Variants in CCDC171 observed in about 807,000 individuals in gnomAD.
CCDC171 encodes coiled-coil domain containing 171, also known as coiled-coil domain-containing protein 171.
In CCDC171, 177 loss-of-function variants were observed where a neutral mutation model predicts 168.2. The observed-to-expected ratio is 1.05, with a 90% confidence interval of 0.93 to 1.19. The LOEUF is 1.19. CCDC171 is among the 50% of genes most tolerant of loss of function. The probability of loss-of-function intolerance (pLI) is 0.00; values close to 1 mark genes in which losing one functional copy is unlikely to be tolerated. For synonymous variants in CCDC171, 687 were observed against 540.8 expected, an observed-to-expected ratio of 1.27 and a Z score of -3.75; for missense variants, 1,991 against 1,539.0, an observed-to-expected ratio of 1.29 and a Z score of -4.91.
intron 10 of CCDC171, among the ~76,000 whole-genome samples, chr9:15,687,858 G>A (rs950646380): frequency 3.9e-5 from 6 of 152,016 alleles, no homozygotes; most frequent in African/African-American, 7.2e-5. Flanking sequence ...GCAGTGGCTC[G>A]TGCCTGTAAT....
chr9:15,634,930 A>G (rs1353791826), intron 7 of CCDC171, among the ~76,000 whole-genome samples: 4 of 152,162 alleles, frequency 2.6e-5, no homozygotes, highest in East Asian at 1.9e-4. Flanking sequence ...TTCACTTAGC[A>G]TAATGTTTTC....
At chr9:15,596,863 C>T (rs1020225555) in intron 6 of CCDC171, among the ~76,000 whole-genome samples, 2 of 152,126 alleles carry the variant, frequency 1.3e-5, no homozygotes, top group African/African-American at 4.8e-5. Context: ...TTCTTCACAT[C>T]CCTTGTAAGT....
In CCDC171 at chr9:15,693,014, G is replaced by A. The variant is rs80340936; in HGVS notation, c.1216-2221G>A. Reference sequence around the variant, plus strand: ...TAGTCGGGTGTGGTCGTGGGCACCTGTACTCCCAGCTACTTGGGAAGCTGA... The same window carrying A: ...TAGTCGGGTGTGGTCGTGGGCACCTATACTCCCAGCTACTTGGGAAGCTGA... On this transcript the variant is annotated intron_variant, in intron 10 of 25. Coordinates refer to ENST00000380701, the MANE Select transcript of CCDC171 (RefSeq NM_173550.4). Among the ~76,000 whole-genome samples the A allele has an allele frequency of 3.2e-4, 48 of 152,094 alleles. No individual in the cohort carries two copies. In the East Asian group the frequency reaches 9.2e-3, roughly 29 times the overall value.
intron 20 of CCDC171, among the ~76,000 whole-genome samples, chr9:15,783,997 T>C (rs1201673351): frequency 1.3e-5 from 2 of 152,032 alleles, no homozygotes; most frequent in Admixed American, 6.6e-5. Context: ...GTGAGATGAA[T>C]TTAGATAATG....
chr9:15,556,418 T>TA (rs2038802479), intron 1 of CCDC171, among the ~76,000 whole-genome samples: 1 of 152,186 alleles, frequency 6.6e-6, no homozygotes, highest in South Asian at 2.1e-4. Context: ...CCTGACTTTT[T>TA]AATGATCGCC....
chr9:16,025,200 G>C (rs373202711), intron 6 of CCDC171, among the ~76,000 whole-genome samples: 6 of 152,336 alleles, frequency 3.9e-5, no homozygotes, highest in African/African-American at 1.4e-4. Flanking sequence ...TCAGCACTTT[G>C]GGAGGCCAAG....
At chr9:15,815,682 A>G (rs372918949) in intron 21 of CCDC171, among the ~76,000 whole-genome samples, 1 of 116,832 alleles carries the variant, frequency 8.6e-6, no homozygotes, top group East Asian at 2.1e-4. Context: ...AAAGAACTCC[A>G]ACACTCATTT....
At chr9:15,553,395 C>T (rs2038495796) in intron 1 of CCDC171, 93 bp downstream of exon 1, 1 of 152,220 alleles carries the variant, frequency 6.6e-6, no homozygotes, top group African/African-American at 2.4e-5. Flanking sequence ...TGGGGCGGCC[C>T]TGGGGCTGTT....
intron 17 of CCDC171, 129 bp downstream of exon 17, chr9:15,744,906 T>A: frequency 1.2e-6 from 1 of 826,468 alleles, no homozygotes; most frequent in Non-Finnish European, 1.8e-6. Context: ...ATAGTCTCCA[T>A]ATGTACGTAT....
chr9:15,869,142 A>G (rs1452628303), intron 23 of CCDC171, among the ~76,000 whole-genome samples: 1 of 152,026 alleles, frequency 6.6e-6, no homozygotes, highest in Non-Finnish European at 1.5e-5. Context: ...ATCCATGGAT[A>G]TGGAACCCAC....
intron 6 of CCDC171, among the ~76,000 whole-genome samples, chr9:15,611,827 C>G (rs1488917048): frequency 6.6e-6 from 1 of 152,092 alleles, no homozygotes; most frequent in African/African-American, 2.4e-5. Flanking sequence ...AGCTTGGCTT[C>G]AAGGTTAGCT....
intron 11 of CCDC171, among the ~76,000 whole-genome samples, chr9:15,695,712 G>T (rs2051161263): frequency 6.6e-6 from 1 of 152,164 alleles, no homozygotes; most frequent in African/African-American, 2.4e-5. Flanking sequence ...TAAAGGTCAT[G>T]CATTTAAAAG....
chr9:15,782,876 A>G (rs4146290), intron 20 of CCDC171, among the ~76,000 whole-genome samples: 72,273 of 151,916 alleles, frequency 0.48, 17,430 homozygotes, highest in East Asian at 0.65. Context: ...CTATGCAAGT[A>G]TCAGTGACAT....
intron 25 of CCDC171, among the ~76,000 whole-genome samples, chr9:15,923,359 G>C (rs938354900): frequency 6.6e-6 from 1 of 151,210 alleles, no homozygotes; most frequent in African/African-American, 2.4e-5. Context: ...CGACAACATG[G>C]ATGAATCTGT....
chr9:15,835,910 T>C (rs934072815), intron 21 of CCDC171, among the ~76,000 whole-genome samples: 4 of 152,156 alleles, frequency 2.6e-5, no homozygotes, highest in African/African-American at 7.2e-5. Flanking sequence ...AATAGTATGT[T>C]TTACAGTATG....
In CCDC171 at chr9:16,058,373, C is replaced by T. The variant is rs537964518; in HGVS notation, n.90-2273C>T. On this transcript the variant is annotated intron_variant and non_coding_transcript_variant, in intron 1 of 1. Transcript: ENST00000478913. ...TCTTTCCTCCCTCTATTTCTCAGCC[C>T]CCTTGCCTGTTACCCTGCAGTGACA... Among the ~76,000 whole-genome samples, 128 of 152,252 alleles carry T rather than the reference C, an allele frequency of 8.4e-4. 1 individual carries two copies. Among genetic ancestry groups the T allele is most frequent in the African/African-American group, 2.9e-3 (120 of 41,550 alleles).
At chr9:15,688,326 CT>C (rs1295286531) in intron 10 of CCDC171, among the ~76,000 whole-genome samples, 2 of 152,062 alleles carry the variant, frequency 1.3e-5, no homozygotes, top group African/African-American at 4.8e-5. Context: ...TTCATAAATT[CT>C]TTCAAAAATA....
intron 6 of CCDC171, among the ~76,000 whole-genome samples, chr9:16,028,924 A>G (rs190701473): frequency 6.6e-6 from 1 of 152,066 alleles, no homozygotes; most frequent in Non-Finnish European, 1.5e-5. Flanking sequence ...ATGGAGTCAG[A>G]CCTGTACTGT....
At chr9:15,623,503 A>ACACACACACACC (rs1463943629) in intron 7 of CCDC171, 90 bp downstream of exon 7, 5 of 684,002 alleles carry the variant, frequency 7.3e-6, no homozygotes, top group Non-Finnish European at 1.1e-5. Flanking sequence ...ACACACACAC[A>ACACACACACACC]CACATAAAAC....
Sources: gnomAD v4.1 joint callset for allele counts (sites outside exome capture counted in the v4.1 genomes callset) on GRCh38, gnomAD v4.1.1 for gene constraint, MANE v1.5 for transcripts, NCBI Gene and HGNC (gene_info 2026-07-23, HGNC 2026-07-21) for gene names.